KCTD8: variants seen among roughly 807,000 people sequenced by gnomAD.
KCTD8 encodes BTB/POZ domain-containing protein KCTD8.
In KCTD8, 27 loss-of-function variants were observed where a neutral mutation model predicts 31.5. The ratio of observed to expected loss-of-function variants is 0.86; its 90% CI spans 0.63 to 1.18. The LOEUF is 1.18. Among genes scored for constraint, KCTD8 ranks in the 50% most tolerant of loss-of-function variants. KCTD8 has a pLI of 0.00. For synonymous variants in KCTD8, 290 were observed against 280.0 expected (o/e 1.04, Z -0.36); for missense variants, 658 against 647.7 (o/e 1.02, Z -0.17).
intron 1 of KCTD8, among the ~76,000 whole-genome samples, chr4:44,192,522 GAT>G (rs1305620425): frequency 6.8e-6 from 1 of 147,356 alleles, no homozygotes; most frequent in East Asian, 2.0e-4. Context: ...ACACAGAACT[GAT>G]AAATAATTAT....
At chr4:44,249,194 T>C (rs1417684128) in intron 1 of KCTD8, among the ~76,000 whole-genome samples, 1 of 151,794 alleles carries the variant, frequency 6.6e-6, no homozygotes, top group Non-Finnish European at 1.5e-5. Flanking sequence ...AACGAAATCC[T>C]CATTATTTCT....
intron 1 of KCTD8, among the ~76,000 whole-genome samples, chr4:44,405,506 G>C (rs1440434406): frequency 6.6e-6 from 1 of 151,998 alleles, no homozygotes; most frequent in African/African-American, 2.4e-5. Context: ...ATGAGCTCGT[G>C]ATCTGCCCAC....
chr4:44,257,852 C>G lies in KCTD8; in HGVS notation c.962-82602G>C, dbSNP rs758887856. On this transcript the variant is annotated intron_variant, in intron 1 of 1. Coordinates refer to ENST00000360029, the MANE Select transcript of KCTD8 (RefSeq NM_198353.3). ...GAAAAGGCAGCCCACTGTCAGGGCACAAGTCTTCATCCGTTGACTTGAATT... is the reference window on the plus strand; with the variant it reads ...GAAAAGGCAGCCCACTGTCAGGGCAGAAGTCTTCATCCGTTGACTTGAATT... Among the ~76,000 whole-genome samples, 133 of 152,056 alleles carry G rather than the reference C, an allele frequency of 8.7e-4. 2 individuals are homozygous for G. The highest frequency in any genetic ancestry group is 3.4e-3 in the Middle Eastern group (1 of 294).
intron 1 of KCTD8, among the ~76,000 whole-genome samples, chr4:44,245,711 G>T (rs1275636461): frequency 6.6e-6 from 1 of 151,882 alleles, no homozygotes; most frequent in Non-Finnish European, 1.5e-5. Flanking sequence ...TATGCCAGCA[G>T]TAAATTTAAC....
At chr4:44,348,295 T>C (rs1719085899) in intron 1 of KCTD8, among the ~76,000 whole-genome samples, 2 of 152,324 alleles carry the variant, frequency 1.3e-5, no homozygotes, top group South Asian at 4.1e-4. Flanking sequence ...AACTCAGTTT[T>C]AAATAAATGC....
intron 1 of KCTD8, among the ~76,000 whole-genome samples, chr4:44,329,324 T>C (rs1451434084): frequency 6.6e-6 from 1 of 151,844 alleles, no homozygotes; most frequent in East Asian, 1.9e-4. Context: ...AATGAAAAAC[T>C]GAGAGAGTAT....
At chr4:44,181,306 G>A (rs1713382730) in intron 1 of KCTD8, among the ~76,000 whole-genome samples, 1 of 151,868 alleles carries the variant, frequency 6.6e-6, no homozygotes, top group Non-Finnish European at 1.5e-5. Context: ...GCCGAGGCTG[G>A]ACTCTGCTGC....
At chr4:44,248,953 A>C (rs540901743) in intron 1 of KCTD8, among the ~76,000 whole-genome samples, 1 of 151,908 alleles carries the variant, frequency 6.6e-6, no homozygotes, top group South Asian at 2.1e-4. Flanking sequence ...TAATTAGCCT[A>C]TCTTCCTAAT....
chr4:44,448,327 G>C lies in KCTD8; in HGVS notation c.197C>G (p.Pro66Arg), dbSNP rs1347038541. 3 of 1,599,430 alleles carry C rather than the reference G, an allele frequency of 1.9e-6. No individual in the cohort carries two copies. The highest frequency in any genetic ancestry group is 2.2e-5 in the East Asian group (1 of 44,480). The change falls in exon 1 of 2, where the codon CCG (proline) becomes CGG (arginine). Residue 66 changes from proline to arginine, a missense_variant. By Grantham distance (103) the Pro-to-Arg change is moderately radical. Transcript: ENST00000360029. This position sits in a 1 kb window ranked among gnomAD's most constrained non-coding sequence, Gnocchi z 4.1. ...GAACATGCTGGCCAAAGTACTGTCC[G>C]GGACGCTGAGCAGCGTCGAGTGCTT... ...VTKHSTLLSVPDSTLASMFSP... is the reference protein window; with the variant it reads ...VTKHSTLLSVRDSTLASMFSP...
At chr4:44,182,176 C>G (rs111713219) in intron 1 of KCTD8, among the ~76,000 whole-genome samples, 4 of 150,986 alleles carry the variant, frequency 2.6e-5, no homozygotes, top group Non-Finnish European at 5.9e-5. Context: ...GGTGGGGGGG[C>G]GCCTCCGCCT....
intron 1 of KCTD8, among the ~76,000 whole-genome samples, chr4:44,361,873 C>T (rs1167445350): frequency 6.6e-6 from 1 of 151,990 alleles, no homozygotes; most frequent in African/African-American, 2.4e-5. Context: ...TATTGAGTAC[C>T]TTATAGTCAG....
chr4:44,235,578 T>TATATAG (rs1553895183), intron 1 of KCTD8, among the ~76,000 whole-genome samples: 12 of 64,106 alleles, frequency 1.9e-4, no homozygotes, highest in South Asian at 6.3e-4. Context: ...TATATATATT[T>TATATAG]AGAGAGAGAG....
chr4:44,421,260 T>C (rs916866146), intron 1 of KCTD8, among the ~76,000 whole-genome samples: 3 of 152,108 alleles, frequency 2.0e-5, no homozygotes, highest in African/African-American at 4.8e-5. Context: ...AAGAGACACA[T>C]ACATGAAAAT....
chr4:44,296,367 GC>G (rs1434570791), intron 1 of KCTD8, among the ~76,000 whole-genome samples: 2 of 151,238 alleles, frequency 1.3e-5, no homozygotes, highest in East Asian at 3.9e-4. Context: ...CCTGTAATTG[GC>G]CTTGGAAATG....
intron 1 of KCTD8, among the ~76,000 whole-genome samples, chr4:44,285,022 T>C (rs940968077): frequency 6.6e-6 from 1 of 152,124 alleles, no homozygotes; most frequent in African/African-American, 2.4e-5. Context: ...ACACTGTTGG[T>C]GGGAGTGTAA....
chr4:44,421,875 A>G lies in KCTD8; in HGVS notation c.961+25688T>C, dbSNP rs182965371. ...AAAAAAATCACAATGGCCTATTCAT[A>G]ATAATGCTTATGGTTTCTAATTTTA... On this transcript the variant is annotated intron_variant, in intron 1 of 1. Coordinates refer to ENST00000360029, the MANE Select transcript of KCTD8 (RefSeq NM_198353.3). 5.8e-3 allele frequency among the ~76,000 whole-genome samples: 889 copies of G among 152,246 alleles called. 5 individuals are homozygous for G. Among genetic ancestry groups the G allele is most frequent in the Non-Finnish European group, 0.01 (698 of 67,996 alleles).
intron 1 of KCTD8, among the ~76,000 whole-genome samples, chr4:44,280,778 C>A (rs1454238380): frequency 6.6e-6 from 1 of 152,006 alleles, no homozygotes; most frequent in Non-Finnish European, 1.5e-5. Flanking sequence ...ATTCTTGCAA[C>A]CCACTATTGA....
At chr4:44,327,335 C>T (rs1195169984) in intron 1 of KCTD8, among the ~76,000 whole-genome samples, 1 of 151,728 alleles carries the variant, frequency 6.6e-6, no homozygotes, top group Non-Finnish European at 1.5e-5. Context: ...CTTTTTTACC[C>T]CCAGGTAAGT....
intron 1 of KCTD8, among the ~76,000 whole-genome samples, chr4:44,236,826 G>A (rs1560402542): frequency 6.6e-6 from 1 of 151,938 alleles, no homozygotes; most frequent in African/African-American, 2.4e-5. Flanking sequence ...GGAACAGATG[G>A]GAGAGAACTG....
Sources: allele counts gnomAD v4.1 joint callset (sites outside exome capture counted in the v4.1 genomes callset), GRCh38; gene constraint gnomAD v4.1.1; non-coding constraint Gnocchi (gnomAD v3.1); transcripts MANE v1.5; gene names NCBI Gene and HGNC (gene_info 2026-07-23, HGNC 2026-07-21).